The following MRTFB variants were observed in gnomAD, a reference collection of about 807,000 sequenced individuals.
The protein encoded by MRTFB is myocardin-related transcription factor B.
Under a neutral mutation model 104.2 loss-of-function variants are expected in MRTFB, and 29 were observed. The observed-to-expected ratio is 0.28, with a 90% CI of 0.21 to 0.38. MRTFB has a LOEUF of 0.38. Among genes scored for constraint, MRTFB ranks in the 10% least tolerant of loss-of-function variants. The pLI is 1.00. For synonymous variants in MRTFB, 535 were observed against 519.5 expected, an observed-to-expected ratio of 1.03 and a Z score of -0.41; for missense variants, 1,270 against 1,341.6, an observed-to-expected ratio of 0.95 and a Z score of 0.83.
the MRTFB span, among the ~76,000 whole-genome samples, chr16:14,021,292 C>G: frequency 1.3e-5 from 2 of 152,278 alleles, no homozygotes; most frequent in African/African-American, 4.8e-5. Context: ...ACTGAGGTGA[C>G]TCTTTTCTGC....
At chr16:14,115,071 A>G (rs1202940052) in intron 2 of MRTFB, among the ~76,000 whole-genome samples, 1 of 152,214 alleles carries the variant, frequency 6.6e-6, no homozygotes, top group African/African-American at 2.4e-5. Context: ...TGACACAAGT[A>G]TAGAAAGGTT....
chr16:14,149,857 GGAGGGCTGTA>G (rs2038524685), intron 3 of MRTFB, among the ~76,000 whole-genome samples: 2 of 152,216 alleles, frequency 1.3e-5, no homozygotes, highest in African/African-American at 4.8e-5. Context: ...TTTTAAAGAA[GGAGGGCTGTA>G]GAGTTAAGCC....
chr16:14,119,629 G>A lies in MRTFB; in HGVS notation c.-63-20915G>A, dbSNP rs567176225. Among the ~76,000 whole-genome samples, 4 of 152,288 alleles carry A rather than the reference G, an allele frequency of 2.6e-5. No homozygotes were observed. The South Asian group carries it at 8.3e-4, about 32-fold the overall frequency. The stretch of plus-strand genomic sequence containing the variant: ...TCAGATAATTTTTTTGTAAGGGTTA[G>A]AGTAGAGGGAACCTTTTTTTGTTGG... On this transcript the variant is annotated intron_variant, in intron 2 of 16. Transcript: ENST00000571589.
At chr16:14,046,415 A>C in the MRTFB span, among the ~76,000 whole-genome samples, 1 of 152,170 alleles carries the variant, frequency 6.6e-6, no homozygotes, top group African/African-American at 2.4e-5. Flanking sequence ...CAAATGTTGA[A>C]TCTCCATCCC....
the MRTFB span, among the ~76,000 whole-genome samples, chr16:14,039,852 G>T: frequency 6.7e-6 from 1 of 149,544 alleles, no homozygotes; most frequent in East Asian, 2.0e-4. Flanking sequence ...GGGTTCAAGT[G>T]ATTCTCCTGC....
At chr16:14,006,742 G>A in the MRTFB span, among the ~76,000 whole-genome samples, 1 of 151,964 alleles carries the variant, frequency 6.6e-6, no homozygotes, top group East Asian at 1.9e-4. Flanking sequence ...TTAGCTGGGT[G>A]TGGTGGCTCA....
chr16:14,248,910 TCAA>T lies in MRTFB; in HGVS notation c.2248-15_2248-13del, dbSNP rs1198140117. On this transcript the variant is annotated splice_polypyrimidine_tract_variant and intron_variant, in intron 12 of 16. Coordinates refer to ENST00000571589, the MANE Select transcript of MRTFB (RefSeq NM_001308142.2). ...TCTGACAATTAAATTGATGTTTTTT[TCAA>T]TTCACCTCCTAGACTTCACCACAAG... The T allele has an allele frequency of 1.9e-6, 3 of 1,609,142 alleles. No individual in the cohort carries two copies. Among genetic ancestry groups the T allele is most frequent in the Admixed American group, 3.4e-5 (2 of 59,000 alleles).
At position 14,118,850 on chromosome 16, in the gene MRTFB, G is replaced by A. The variant is rs1191684037; in HGVS notation, c.-63-21694G>A. ...TTTGCATAGTATGGTATCATACTGT[G>A]TATATATTTCTGTGGCTTGCTTTTT... On this transcript the variant is annotated intron_variant, in intron 2 of 16. Transcript: ENST00000571589. Among the ~76,000 whole-genome samples the A allele has an allele frequency of 3.3e-5, 5 of 152,074 alleles. No individual in the cohort carries two copies. In the East Asian group the frequency reaches 9.7e-4, roughly 29 times the overall value.
intron 5 of MRTFB, among the ~76,000 whole-genome samples, chr16:14,213,147 C>T (rs773796803): frequency 1.3e-5 from 2 of 151,928 alleles, no homozygotes; most frequent in Non-Finnish European, 2.9e-5. Flanking sequence ...ATGAACTTAC[C>T]AAAGAAAACA....
chr16:14,069,512 G>T (rs186926718), upstream of MRTFB, among the ~76,000 whole-genome samples: 1 of 152,126 alleles, frequency 6.6e-6, no homozygotes, highest in Non-Finnish European at 1.5e-5. Flanking sequence ...TAGAGACAGG[G>T]TCTCACTCTG....
chr16:14,060,971 C>A, the MRTFB span, among the ~76,000 whole-genome samples: 1 of 151,964 alleles, frequency 6.6e-6, no homozygotes, highest in Admixed American at 6.6e-5. Flanking sequence ...ACAGTGAAAC[C>A]CTGTCTCTAC....
chr16:14,046,484 T>A, the MRTFB span, among the ~76,000 whole-genome samples: 1 of 152,178 alleles, frequency 6.6e-6, no homozygotes, highest in Non-Finnish European at 1.5e-5. Context: ...AATGCACGGT[T>A]CTGTTCTTCT....
chr16:14,114,857 C>T (rs2036455756), intron 2 of MRTFB, among the ~76,000 whole-genome samples: 2 of 152,170 alleles, frequency 1.3e-5, no homozygotes, highest in Admixed American at 1.3e-4. Context: ...TCCATAACTT[C>T]CAAGGGGCTA....
chr16:14,252,662 CATTT>C (rs1216015830), intron 15 of MRTFB, among the ~76,000 whole-genome samples, 160 bp downstream of exon 15: 1 of 152,172 alleles, frequency 6.6e-6, no homozygotes, highest in African/African-American at 2.4e-5. Flanking sequence ...ATCAAAATGT[CATTT>C]ATCATGAAGA....
chr16:14,102,446 T>C (rs578040211), intron 2 of MRTFB, among the ~76,000 whole-genome samples: 68 of 152,346 alleles, frequency 4.5e-4, no homozygotes, highest in African/African-American at 1.6e-3. Context: ...TTATCACTCG[T>C]ACATGTTTAA....
chr16:14,166,212 C>CTTTTTTTTTTTTTTTTT lies in MRTFB; in HGVS notation c.154+25456_154+25457insTTTTTTTTTTTTTTTTT, dbSNP rs1195479290. ...ACTTTTTTGGTTTTGTGTGGGTTTT[C>CTTTTTTTTTTTTTTTTT]TTTTCTTTTTTTTTTTTTTTTTTGC... is the stretch of plus-strand genomic sequence containing the variant. On this transcript the variant is annotated intron_variant, in intron 3 of 16. Transcript: ENST00000571589. 3.1e-5 allele frequency among the ~76,000 whole-genome samples: 3 copies of CTTTTTTTTTTTTTTTTT among 97,534 alleles called. 1 individual carries two copies. The highest frequency in any genetic ancestry group is 1.5e-4 in the African/African-American group (3 of 19,962). 64.0% of individuals were successfully genotyped at this position (97,534 alleles called of 152,430 possible). A position where few individuals can be genotyped will look rare whatever the true frequency, so the allele number is the denominator to read the frequency against.
At chr16:14,230,896 A>G (rs1039413349) in intron 8 of MRTFB, among the ~76,000 whole-genome samples, 3 of 151,358 alleles carry the variant, frequency 2.0e-5, no homozygotes, top group African/African-American at 4.9e-5. Context: ...ATGTCCAACA[A>G]TGATAGACTG....
chr16:14,089,388 A>G (rs908444530), intron 2 of MRTFB, among the ~76,000 whole-genome samples: 2 of 152,234 alleles, frequency 1.3e-5, no homozygotes, highest in South Asian at 4.1e-4. Flanking sequence ...CATGCCATGT[A>G]AATGGAATCA....
intron 2 of MRTFB, among the ~76,000 whole-genome samples, chr16:14,089,225 A>G (rs1008209277): frequency 2.6e-5 from 4 of 152,184 alleles, no homozygotes. Flanking sequence ...GTATTCTCAC[A>G]GAGTTGTACA....
Sources: allele counts gnomAD v4.1 joint callset (sites outside exome capture counted in the v4.1 genomes callset), GRCh38; gene constraint gnomAD v4.1.1; transcripts MANE v1.5; gene names NCBI Gene and HGNC (gene_info 2026-07-23, HGNC 2026-07-21).